COL23A1: variants seen among roughly 807,000 people sequenced by gnomAD.
COL23A1 encodes collagen type XXIII alpha 1 chain.
A neutral mutation model predicts 99.3 loss-of-function variants in COL23A1; 97 were observed. The observed-to-expected ratio is 0.98, with a 90% CI of 0.83 to 1.16. The LOEUF (loss-of-function observed/expected upper bound fraction) is 1.16, where lower values mean the gene tolerates loss of function less well. Among genes scored for constraint, COL23A1 ranks in the 50% most tolerant of loss-of-function variants. The probability of loss-of-function intolerance (pLI) is 0.00; values close to 1 mark genes in which losing one functional copy is unlikely to be tolerated. For missense variants in COL23A1, 762 were observed against 757.4 expected (o/e 1.01, Z -0.07); for synonymous variants, 320 against 308.2 (o/e 1.04, Z -0.40).
At chr5:178,376,279 T>A (rs1763067948) in intron 2 of COL23A1, among the ~76,000 whole-genome samples, 1 of 152,230 alleles carries the variant, frequency 6.6e-6, no homozygotes, top group Admixed American at 6.5e-5. Context: ...TTTTGTTATT[T>A]AGGTATTCTC....
At chr5:178,554,467 C>T (rs1194782541) in intron 2 of COL23A1, among the ~76,000 whole-genome samples, 1 of 152,224 alleles carries the variant, frequency 6.6e-6, no homozygotes, top group African/African-American at 2.4e-5. Flanking sequence ...ATGTGTGCCA[C>T]CACGCCCAGC....
intron 2 of COL23A1, among the ~76,000 whole-genome samples, chr5:178,417,595 A>G (rs1213117833): frequency 2.0e-5 from 3 of 152,154 alleles, no homozygotes; most frequent in Non-Finnish European, 2.9e-5. Context: ...CACAGGATCC[A>G]TATCAGACGG....
At chr5:178,578,146 C>G (rs149576982) in intron 1 of COL23A1, among the ~76,000 whole-genome samples, 113 of 151,948 alleles carry the variant, frequency 7.4e-4, no homozygotes, top group African/African-American at 2.5e-3. Context: ...CATGCACACA[C>G]ATGCACACAC....
chr5:178,316,512 G>T (rs1050730111), intron 2 of COL23A1, among the ~76,000 whole-genome samples: 1 of 152,150 alleles, frequency 6.6e-6, no homozygotes, highest in Admixed American at 6.5e-5. Context: ...TCTTTCCTTA[G>T]ATAATTACCT....
chr5:178,332,364 G>A (rs927919649), intron 2 of COL23A1, among the ~76,000 whole-genome samples: 2 of 152,174 alleles, frequency 1.3e-5, no homozygotes, highest in East Asian at 3.8e-4. Flanking sequence ...AATTGGGTGG[G>A]GACAGAGCAT....
intron 2 of COL23A1, among the ~76,000 whole-genome samples, chr5:178,403,473 G>C (rs958071062): frequency 3.9e-5 from 6 of 152,214 alleles, no homozygotes; most frequent in Non-Finnish European, 7.3e-5. Context: ...AGGTGGGATT[G>C]TTCTTCCTAT....
At chr5:178,456,772 G>A (rs957940983) in intron 2 of COL23A1, among the ~76,000 whole-genome samples, 13 of 152,096 alleles carry the variant, frequency 8.5e-5, no homozygotes, top group Admixed American at 5.2e-4. Context: ...TGAAAGGCAA[G>A]TGACAAAGTG....
chr5:178,541,260 C>T (rs1220384604), intron 2 of COL23A1, among the ~76,000 whole-genome samples: 3 of 152,160 alleles, frequency 2.0e-5, no homozygotes, highest in East Asian at 1.9e-4. Context: ...CTGGAATTGT[C>T]AAACACACTG....
chr5:178,306,908 G>A lies in COL23A1; in HGVS notation c.373C>T (p.Arg125Trp), dbSNP rs779240932. Residue 125 changes from arginine (R) to tryptophan (W), a missense_variant, in exon 3 of 29, where the codon CGG (arginine) becomes TGG (tryptophan). By Grantham distance (101) the Arg-to-Trp change is moderately radical. Transcript: ENST00000390654. This position sits in a 1 kb window ranked among gnomAD's most constrained non-coding sequence, Gnocchi z 4.1. ...ECVCPPGPPG[R>W]RGKPGRRGDP... ...CCTCTTCTCCCAGGCTTGCCGCGCC[G>A]TCCAGGGGGCCCTAGACAGGAAAAC... 70 of 1,542,642 alleles carry A rather than the reference G, an allele frequency of 4.5e-5. No homozygotes were observed. Among genetic ancestry groups the A allele is most frequent in the Middle Eastern group, 1.7e-4 (1 of 5,874 alleles).
Position 178,544,184 on chromosome 5 carries a change from A to G in COL23A1, c.361+16498T>C, listed in dbSNP as rs887935962. Among the ~76,000 whole-genome samples, 1 of 151,492 alleles carries G rather than the reference A, an allele frequency of 6.6e-6. No individual in the cohort carries two copies. Among genetic ancestry groups the G allele is most frequent in the Non-Finnish European group, 1.5e-5 (1 of 67,904 alleles). Reference sequence around the variant, plus strand: ...AGCACTCTTCCCACCTGAGTTTATCACCCCACACAGTCCCCTCCCATGCAA... The same window carrying G: ...AGCACTCTTCCCACCTGAGTTTATCGCCCCACACAGTCCCCTCCCATGCAA... On this transcript the variant is annotated intron_variant, in intron 2 of 28. Coordinates refer to ENST00000390654, the MANE Select transcript of COL23A1 (RefSeq NM_173465.4). This position sits in a 1 kb window ranked among gnomAD's most constrained non-coding sequence, Gnocchi z 4.4.
chr5:178,478,690 T>C (rs1389607357), intron 2 of COL23A1, among the ~76,000 whole-genome samples: 3 of 152,286 alleles, frequency 2.0e-5, no homozygotes, highest in South Asian at 2.1e-4. Flanking sequence ...CAATTAATAT[T>C]TGGGAAAAAT....
At position 178,428,242 on chromosome 5, in the gene COL23A1, T is replaced by C. The variant is rs555897196; in HGVS notation, c.362-121323A>G. Among the ~76,000 whole-genome samples the C allele has an allele frequency of 2.6e-5, 4 of 152,174 alleles. No individual in the cohort carries two copies. The highest frequency in any genetic ancestry group is 5.9e-5 in the Non-Finnish European group (4 of 68,014). ...CTTCTGCTGTGGGCTCCCCGAGGCA[T>C]TTCCTGGGAGAAGGGTCTCTGGCTT... On this transcript the variant is annotated intron_variant, in intron 2 of 28. Coordinates refer to ENST00000390654, the MANE Select transcript of COL23A1 (RefSeq NM_173465.4). This position sits in a 1 kb window ranked among gnomAD's most constrained non-coding sequence, Gnocchi z 5.0.
chr5:178,557,005 C>A (rs1338360030), intron 2 of COL23A1, among the ~76,000 whole-genome samples: 1 of 152,148 alleles, frequency 6.6e-6, no homozygotes, highest in Non-Finnish European at 1.5e-5. Flanking sequence ...AAATAAGACA[C>A]AGGTCTGCCG....
rs369944934 is a variant in COL23A1, at chr5:178,268,773, G to A, written c.469-17C>T. ...TGGAAGTCCCTGGAAAAGGAAAGTG[G>A]AGAAAGAACAGACCTGAGTGAGGGG... is the stretch of plus-strand genomic sequence containing the variant. On this transcript the variant is annotated splice_polypyrimidine_tract_variant and intron_variant, in intron 6 of 28. Transcript: ENST00000390654. 2 of 1,602,912 alleles carry A rather than the reference G, an allele frequency of 1.2e-6. No individual in the cohort carries two copies. The highest frequency in any genetic ancestry group is 1.7e-6 in the Non-Finnish European group (2 of 1,173,078).
intron 11 of COL23A1, 83 bp from the exon 12 acceptor site, chr5:178,259,830 T>A: frequency 7.4e-7 from 1 of 1,358,228 alleles, no homozygotes. Context: ...GTTCCTCGGG[T>A]AGAAGTGGCA....
At chr5:178,339,693 G>A (rs1760546457) in intron 2 of COL23A1, among the ~76,000 whole-genome samples, 1 of 152,322 alleles carries the variant, frequency 6.6e-6, no homozygotes, top group African/African-American at 2.4e-5. Flanking sequence ...ATCTGCCAGC[G>A]CCTCAGTGGG....
At chr5:178,430,678 A>C (rs1164228382) in intron 2 of COL23A1, among the ~76,000 whole-genome samples, 1 of 152,222 alleles carries the variant, frequency 6.6e-6, no homozygotes, top group Admixed American at 6.5e-5. Context: ...GGTTTCTTTC[A>C]ATGGCAACTT....
At chr5:178,397,298 C>T (rs1463360682) in intron 2 of COL23A1, among the ~76,000 whole-genome samples, 8 of 152,214 alleles carry the variant, frequency 5.3e-5, no homozygotes, top group Non-Finnish European at 1.0e-4. Context: ...AGGGATGCTG[C>T]GTTAGCAAGA....
At chr5:178,317,781 A>T (rs1358258633) in intron 2 of COL23A1, among the ~76,000 whole-genome samples, 1 of 152,224 alleles carries the variant, frequency 6.6e-6, no homozygotes, top group African/African-American at 2.4e-5. Flanking sequence ...ATTTATAAAG[A>T]AAGAGAGGGT....
Sources: gnomAD v4.1 joint callset for allele counts (sites outside exome capture counted in the v4.1 genomes callset) on GRCh38, gnomAD v4.1.1 for gene constraint, Gnocchi (gnomAD v3.1) non-coding constraint, MANE v1.5 for transcripts, NCBI Gene and HGNC (gene_info 2026-07-23, HGNC 2026-07-21) for gene names.